Variants in SLC25A18 observed in about 807,000 individuals in gnomAD.
SLC25A18 encodes mitochondrial glutamate carrier 2.
In SLC25A18, 24 loss-of-function variants were observed where a neutral mutation model predicts 31.1. That is an observed-to-expected ratio of 0.77 (90% CI 0.56 to 1.08). The LOEUF (loss-of-function observed/expected upper bound fraction) is 1.08, where lower values mean the gene tolerates loss of function less well. SLC25A18 is among the 50% of genes least tolerant of loss of function. The pLI, the probability that SLC25A18 is intolerant of heterozygous loss-of-function variation, is 0.00. For missense variants in SLC25A18, 371 were observed against 418.5 expected (o/e 0.89, Z 0.99); for synonymous variants, 173 against 161.9 (o/e 1.07, Z -0.52).
At chr22:17,572,647 T>TTC (rs1270140646) in intron 2 of SLC25A18, among the ~76,000 whole-genome samples, 2 of 139,848 alleles carry the variant, frequency 1.4e-5, no homozygotes, top group African/African-American at 5.4e-5. Context: ...ATTTTTTTTT[T>TTC]TTTTTTTTTT....
At position 17,589,551 on chromosome 22, in the gene SLC25A18, A is replaced by C. The variant is rs114856879; in HGVS notation, c.731-39A>C. On this transcript the variant is annotated intron_variant, in intron 9 of 10. Transcript: ENST00000327451. ...GTGTTGAGGGGAGGACACCGAAAGT[A>C]AGCTGTTCACTACTTACTTTAACTT... 2,220 of 1,588,004 alleles carry C rather than the reference A, an allele frequency of 1.4e-3. 30 individuals are homozygous for C. In the African/African-American group the frequency reaches 0.026, roughly 18 times the overall value.
At chr22:17,565,443 A>G (rs1339584144) in intron 1 of SLC25A18, among the ~76,000 whole-genome samples, 1 of 152,088 alleles carries the variant, frequency 6.6e-6, no homozygotes, top group Admixed American at 6.6e-5. Context: ...GTATGATCAT[A>G]GCTCACTGCA....
chr22:17,587,335 C>T (rs751195076), intron 8 of SLC25A18, 34 bp downstream of exon 8: 1 of 1,586,892 alleles, frequency 6.3e-7, no homozygotes, highest in Non-Finnish European at 8.6e-7. Context: ...AGGACAAGTG[C>T]ACGGGGGAGG....
rs770369651 is a variant in SLC25A18, at chr22:17,589,639, G to A, written c.780G>A (p.Met260Ile). The change falls in exon 10 of 11, where the codon ATG becomes ATA. Residue 260 changes from methionine to isoleucine, a missense_variant. Transcript: ENST00000327451. ...TCAAGAAAGGCCTGGGCGAGGACAT[G>A]TACAGTGGGATCACCGACTGTGCCA... is the stretch of plus-strand genomic sequence containing the variant. ...QTLKKGLGED[M>I]YSGITDCARK... 2 of 1,614,148 alleles carry A rather than the reference G, an allele frequency of 1.2e-6. No homozygotes were observed. Among genetic ancestry groups the A allele is most frequent in the Non-Finnish European group, 1.7e-6 (2 of 1,180,018 alleles).
At chr22:17,578,205 A>C (rs533530072) in intron 2 of SLC25A18, among the ~76,000 whole-genome samples, 1 of 152,240 alleles carries the variant, frequency 6.6e-6, no homozygotes, top group African/African-American at 2.4e-5. Flanking sequence ...TCCTGGGCTC[A>C]GGCGATCCAC....
intron 1 of SLC25A18, among the ~76,000 whole-genome samples, chr22:17,565,506 T>C (rs1004156882): frequency 6.6e-5 from 10 of 152,150 alleles, no homozygotes; most frequent in African/African-American, 2.2e-4. Context: ...CCCAAGTAGC[T>C]AGAACTACAG....
At position 17,590,271 on chromosome 22, in the gene SLC25A18, C is replaced by G. The variant is rs1340876567; in HGVS notation, c.*35C>G. ...GAGGTCAAGTCCCTGCGCTTGCCGC[C>G]CTCTCTCTAGCTGTTTCACTTAGCC... On this transcript the variant is annotated 3_prime_UTR_variant, in exon 11 of 11. Transcript: ENST00000327451. The G allele has an allele frequency of 6.2e-7, 1 of 1,613,434 alleles. No individual in the cohort carries two copies. The highest frequency in any genetic ancestry group is 8.5e-7 in the Non-Finnish European group (1 of 1,179,586).
chr22:17,588,189 C>A, intron 9 of SLC25A18, 110 bp downstream of exon 9: 5 of 1,312,864 alleles, frequency 3.8e-6, no homozygotes, highest in South Asian at 1.4e-5. Context: ...TGGCTGCTGG[C>A]GGAGGCTCAC....
intron 2 of SLC25A18, among the ~76,000 whole-genome samples, chr22:17,577,800 C>T (rs893614270): frequency 2.7e-5 from 4 of 149,810 alleles, no homozygotes; most frequent in Non-Finnish European, 5.9e-5. Context: ...AGGCTGGTCT[C>T]GAACTCCTGA....
At chr22:17,585,403 CAG>C (rs961835106) in intron 7 of SLC25A18, 1 of 151,418 alleles carries the variant, frequency 6.6e-6, no homozygotes, top group Non-Finnish European at 1.5e-5. Flanking sequence ...AAAAAAAAAA[CAG>C]AAAGAAAATG....
At chr22:17,572,182 A>G (rs1010903780) in intron 2 of SLC25A18, among the ~76,000 whole-genome samples, 8 of 149,924 alleles carry the variant, frequency 5.3e-5, no homozygotes, top group Non-Finnish European at 1.2e-4. Flanking sequence ...GTGAGACTCC[A>G]TCTCAAAAAA....
chr22:17,581,378 C>T lies in SLC25A18; in HGVS notation c.164C>T (p.Thr55Met). Residue 55 changes from threonine to methionine, a missense_variant, in exon 5 of 11, where the codon ACG becomes ATG. Coordinates refer to ENST00000327451, the MANE Select transcript of SLC25A18 (RefSeq NM_031481.3). The part of the protein sequence containing the change: ...YKGMIDCLMK[T>M]ARAEGFFGMY... Reference sequence around the variant, plus strand: ...TCCAGGATCGACTGCCTGATGAAGACGGCTCGGGCGGAGGGCTTCTTCGGC... The same window carrying T: ...TCCAGGATCGACTGCCTGATGAAGATGGCTCGGGCGGAGGGCTTCTTCGGC... 6.2e-7 allele frequency: 1 copy of T among 1,614,092 alleles called. No homozygotes were observed. Among genetic ancestry groups the T allele is most frequent in the East Asian group, 2.2e-5 (1 of 44,876 alleles).
intron 2 of SLC25A18, among the ~76,000 whole-genome samples, chr22:17,574,271 A>G (rs2057170372): frequency 1.3e-5 from 2 of 152,226 alleles, no homozygotes; most frequent in South Asian, 4.1e-4. Context: ...GTTACTGCCT[A>G]CAGGATCACA....
At chr22:17,585,438 A>G (rs559997319) in intron 7 of SLC25A18, 1 of 152,070 alleles carries the variant, frequency 6.6e-6, no homozygotes, top group South Asian at 2.1e-4. Context: ...GATTCCTAGT[A>G]TGAAATATTT....
chr22:17,574,098 G>A (rs2057166219), intron 2 of SLC25A18, among the ~76,000 whole-genome samples: 1 of 152,130 alleles, frequency 6.6e-6, no homozygotes, highest in African/African-American at 2.4e-5. Flanking sequence ...GCCTGACATG[G>A]TGTCATACAC....
At chr22:17,576,460 C>T (rs1006209456) in intron 2 of SLC25A18, among the ~76,000 whole-genome samples, 1 of 152,228 alleles carries the variant, frequency 6.6e-6, no homozygotes, top group African/African-American at 2.4e-5. Context: ...AGCTGTGTCC[C>T]TGCTGCTTAG....
At chr22:17,573,334 T>C (rs1236580829) in intron 2 of SLC25A18, among the ~76,000 whole-genome samples, 3 of 152,034 alleles carry the variant, frequency 2.0e-5, no homozygotes, top group African/African-American at 4.8e-5. Flanking sequence ...GTGAGATCAG[T>C]TGACAGTGCT....
At chr22:17,574,832 TA>T (rs1448831185) in intron 2 of SLC25A18, among the ~76,000 whole-genome samples, 2 of 138,324 alleles carry the variant, frequency 1.4e-5, no homozygotes, top group African/African-American at 6.1e-5. Flanking sequence ...ATGTTCCCTT[TA>T]TTATTATTAT....
chr22:17,582,519 T>G lies in SLC25A18; in HGVS notation c.200-44T>G, dbSNP rs752158272. ...GAAGGGCAGACCTGGGGCACTGTTA[T>G]TTCTGGGATGGCCTTGACTCCCCAT... On this transcript the variant is annotated intron_variant, in intron 5 of 10. Coordinates refer to ENST00000327451, the MANE Select transcript of SLC25A18 (RefSeq NM_031481.3). 5 of 1,517,556 alleles carry G rather than the reference T, an allele frequency of 3.3e-6. No individual in the cohort carries two copies. The East Asian group carries it at 1.2e-4, about 37-fold the overall frequency. The allele number at this position is 1,517,556 out of a possible 1,614,324, so 94.0% of individuals were successfully genotyped here.
Sources: allele counts gnomAD v4.1 joint callset (sites outside exome capture counted in the v4.1 genomes callset), GRCh38; gene constraint gnomAD v4.1.1; transcripts MANE v1.5; gene names NCBI Gene and HGNC (gene_info 2026-07-23, HGNC 2026-07-21).